The following CFAP299 variants were observed in gnomAD, a reference collection of about 807,000 sequenced individuals.
CFAP299 encodes the protein cilia and flagella associated protein 299.
In CFAP299, 21 loss-of-function variants were observed where a neutral mutation model predicts 27.0. The observed-to-expected ratio is 0.78, with a 90% CI of 0.55 to 1.12. The LOEUF is 1.12. Among genes scored for constraint, CFAP299 ranks in the 50% most tolerant of loss-of-function variants. The pLI, the probability that CFAP299 is intolerant of heterozygous loss-of-function variation, is 0.00. For synonymous variants in CFAP299, 104 were observed against 98.1 expected (o/e 1.06, Z -0.36); for missense variants, 310 against 276.6 (o/e 1.12, Z -0.86).
chr4:80,519,499 G>C (rs1732796582), intron 2 of CFAP299, among the ~76,000 whole-genome samples: 1 of 152,176 alleles, frequency 6.6e-6, no homozygotes, highest in African/African-American at 2.4e-5. Context: ...GAGCTACCAT[G>C]CCTGGCCTCA....
Position 80,606,296 on chromosome 4 carries a change from G to A in CFAP299, c.333+23113G>A, listed in dbSNP as rs1737670041. On this transcript the variant is annotated intron_variant, in intron 3 of 5. Coordinates refer to ENST00000358105, the MANE Select transcript of CFAP299 (RefSeq NM_152770.3). ...TCACGCTTGTAATCCCAGTGCTTTG[G>A]GAGGCCAAGGCGGGTGGATCACAAG... Among the ~76,000 whole-genome samples, 10 of 152,230 alleles carry A rather than the reference G, an allele frequency of 6.6e-5. No homozygotes were observed. The South Asian group carries it at 2.1e-3, about 32-fold the overall frequency.
intron 3 of CFAP299, 31 bp downstream of exon 3, chr4:80,583,214 G>T: frequency 7.7e-7 from 1 of 1,307,018 alleles, no homozygotes; most frequent in Middle Eastern, 1.9e-4. Context: ...AGCTTAAAAT[G>T]TATACACTAA....
intron 2 of CFAP299, among the ~76,000 whole-genome samples, chr4:80,422,201 C>T (rs1024166784): frequency 6.6e-6 from 1 of 152,162 alleles, no homozygotes; most frequent in East Asian, 1.9e-4. Context: ...CAACTATACA[C>T]CATAGTTCAG....
chr4:80,581,575 T>A (rs2109870072), intron 2 of CFAP299, among the ~76,000 whole-genome samples: 1 of 149,608 alleles, frequency 6.7e-6, no homozygotes, highest in African/African-American at 2.5e-5. Flanking sequence ...ATCAATAACA[T>A]AAACAGTAGG....
chr4:80,943,794 C>A (rs911782188), intron 4 of CFAP299, among the ~76,000 whole-genome samples: 1 of 152,044 alleles, frequency 6.6e-6, no homozygotes, highest in Admixed American at 6.6e-5. Context: ...ATGGGCTGGG[C>A]ATAGTGGCTC....
chr4:80,736,052 G>T (rs1339164005), intron 3 of CFAP299, among the ~76,000 whole-genome samples: 1 of 152,052 alleles, frequency 6.6e-6, no homozygotes, highest in Non-Finnish European at 1.5e-5. Flanking sequence ...TCTGGTGGTA[G>T]TTTCTTTTGC....
chr4:80,416,577 AT>A (rs1727019531), intron 2 of CFAP299, among the ~76,000 whole-genome samples: 3 of 152,292 alleles, frequency 2.0e-5, no homozygotes, highest in South Asian at 4.1e-4. Flanking sequence ...ATTTCAAGAT[AT>A]TTTCATATAT....
At position 80,377,518 on chromosome 4, in the gene CFAP299, T is replaced by TA. The variant is rs931551875; in HGVS notation, c.242+14638dup. 2.0e-4 allele frequency among the ~76,000 whole-genome samples: 30 copies of TA among 152,110 alleles called. 1 individual carries two copies. The highest frequency in any genetic ancestry group is 6.6e-4 in the Admixed American group (10 of 15,256). On this transcript the variant is annotated intron_variant, in intron 2 of 5. Transcript: ENST00000358105. ...CCAACATCACATTGCCTTTAAGTCTTAAAATCAGGTAATATGAGTCCTCAA... is the reference window on the plus strand; with the variant it reads ...CCAACATCACATTGCCTTTAAGTCTTAAAAATCAGGTAATATGAGTCCTCAA...
chr4:80,800,115 A>G (rs1039435851), intron 3 of CFAP299, among the ~76,000 whole-genome samples: 20 of 71,758 alleles, frequency 2.8e-4, no homozygotes, highest in Non-Finnish European at 4.0e-4. Context: ...TATTATATAT[A>G]AGATATTAAT....
chr4:80,537,723 C>T (rs1217346957), intron 2 of CFAP299, among the ~76,000 whole-genome samples: 1 of 151,790 alleles, frequency 6.6e-6, no homozygotes, highest in Non-Finnish European at 1.5e-5. Flanking sequence ...TATGAAGTTT[C>T]AGTTAGGATG....
At chr4:80,634,700 T>C (rs1739399355) in intron 3 of CFAP299, among the ~76,000 whole-genome samples, 1 of 152,178 alleles carries the variant, frequency 6.6e-6, no homozygotes, top group Admixed American at 6.5e-5. Context: ...TATAATTGGA[T>C]GACTAAAACA....
rs753835169 is a variant in CFAP299, at chr4:80,360,344, G to T, written c.112-2410G>T. On this transcript the variant is annotated intron_variant, in intron 1 of 5. Transcript: ENST00000358105. ...CCCTCCTGAAGACTGTGCTGGAGGCGGTATTGGCTTGAGGAAGGTATGCTG... is the reference window on the plus strand; with the variant it reads ...CCCTCCTGAAGACTGTGCTGGAGGCTGTATTGGCTTGAGGAAGGTATGCTG... 3.9e-5 allele frequency among the ~76,000 whole-genome samples: 6 copies of T among 152,098 alleles called. No homozygotes were observed. In the East Asian group the frequency reaches 7.7e-4, roughly 20 times the overall value.
chr4:80,449,139 G>A (rs1258604823), intron 2 of CFAP299, among the ~76,000 whole-genome samples: 3 of 152,016 alleles, frequency 2.0e-5, no homozygotes, highest in South Asian at 4.1e-4. Flanking sequence ...TCTGTATTTC[G>A]TTTTGATTTT....
chr4:80,439,845 C>T (rs903786181), intron 2 of CFAP299, among the ~76,000 whole-genome samples: 10 of 152,278 alleles, frequency 6.6e-5, no homozygotes, highest in Admixed American at 3.3e-4. Context: ...AGTCGACCTG[C>T]GACACTCGAG....
intron 2 of CFAP299, among the ~76,000 whole-genome samples, chr4:80,467,222 A>G (rs1729750018): frequency 6.6e-6 from 1 of 152,122 alleles, no homozygotes; most frequent in Non-Finnish European, 1.5e-5. Flanking sequence ...AAGTATTTAC[A>G]CCACTGATAC....
chr4:80,447,430 C>T (rs1578454554), intron 2 of CFAP299, among the ~76,000 whole-genome samples: 6 of 148,088 alleles, frequency 4.1e-5, no homozygotes, highest in African/African-American at 2.5e-5. Context: ...CCACCGCGCC[C>T]GGCCTATTTG....
intron 3 of CFAP299, among the ~76,000 whole-genome samples, chr4:80,860,499 G>A (rs915747008): frequency 2.0e-5 from 3 of 152,102 alleles, no homozygotes; most frequent in African/African-American, 7.2e-5. Context: ...TTGTAGAGTT[G>A]CCATTTTTTC....
At chr4:80,387,219 TC>T in intron 2 of CFAP299, 1 of 1,441,086 alleles carries the variant, frequency 6.9e-7, no homozygotes, top group Non-Finnish European at 9.8e-7. Context: ...AGGTCGTACA[TC>T]GGGGGTAAGT....
intron 2 of CFAP299, among the ~76,000 whole-genome samples, chr4:80,453,387 T>G (rs565336044): frequency 6.6e-6 from 1 of 152,348 alleles, no homozygotes; most frequent in Non-Finnish European, 1.5e-5. Flanking sequence ...TCATTTATCA[T>G]TCTTTTATTT....
Sources: allele counts gnomAD v4.1 joint callset (sites outside exome capture counted in the v4.1 genomes callset), GRCh38; gene constraint gnomAD v4.1.1; transcripts MANE v1.5; gene names NCBI Gene and HGNC (gene_info 2026-07-23, HGNC 2026-07-21).